Variants in NREP observed in about 807,000 individuals in gnomAD.
NREP encodes neuronal regeneration-related protein.
Under a neutral mutation model 8.6 loss-of-function variants are expected in NREP, and 5 were observed. The ratio of observed to expected loss-of-function variants is 0.58; its 90% CI spans 0.30 to 1.22. The LOEUF (loss-of-function observed/expected upper bound fraction) is 1.22. NREP is among the 50% of genes most tolerant of loss of function. The pLI, the probability that NREP is intolerant of heterozygous loss-of-function variation, is 0.07. For missense variants in NREP, 86 were observed against 82.5 expected, an observed-to-expected ratio of 1.04 and a Z score of -0.17; for synonymous variants, 27 against 28.0, an observed-to-expected ratio of 0.96 and a Z score of 0.11.
chr5:111,859,527 A>G (rs1390696266), intron 2 of NREP, among the ~76,000 whole-genome samples: 1 of 152,144 alleles, frequency 6.6e-6, no homozygotes, highest in Non-Finnish European at 1.5e-5. Context: ...CAAGGCTGGA[A>G]GCTTGTTAGA....
chr5:111,907,761 A>G (rs1408022837), intron 2 of NREP, among the ~76,000 whole-genome samples: 1 of 152,020 alleles, frequency 6.6e-6, no homozygotes, highest in Non-Finnish European at 1.5e-5. Flanking sequence ...TTTCACCTAG[A>G]AAACTCCTAC....
At chr5:111,798,927 C>G (rs1003638392) in intron 2 of NREP, among the ~76,000 whole-genome samples, 3 of 152,146 alleles carry the variant, frequency 2.0e-5, no homozygotes, top group African/African-American at 7.2e-5. Context: ...TTCTTTTCCT[C>G]TAGGTAGATA....
intron 2 of NREP, among the ~76,000 whole-genome samples, chr5:111,802,267 T>A (rs1752031126): frequency 6.6e-6 from 1 of 151,912 alleles, no homozygotes; most frequent in African/African-American, 2.4e-5. Flanking sequence ...AAGCACATAA[T>A]GAAGAAAAAT....
chr5:111,943,261 T>C lies in NREP; in HGVS notation c.135+32013A>G, dbSNP rs115797039. Among the ~76,000 whole-genome samples the C allele has an allele frequency of 4.7e-3, 715 of 152,160 alleles. 4 individuals carry two copies. Among genetic ancestry groups the C allele is most frequent in the African/African-American group, 0.016 (673 of 41,540 alleles). On this transcript the variant is annotated intron_variant, in intron 2 of 3. Coordinates refer to the NREP transcript ENST00000395634. Reference sequence around the variant, plus strand: ...CATCAGGTGCCGGTTATGCTGCCTATTGTGAAACACATTGAACTCCCTATA... The same window carrying C: ...CATCAGGTGCCGGTTATGCTGCCTACTGTGAAACACATTGAACTCCCTATA...
chr5:111,766,206 G>T (rs1007952305), intron 2 of NREP, among the ~76,000 whole-genome samples: 1 of 151,934 alleles, frequency 6.6e-6, no homozygotes, highest in African/African-American at 2.4e-5. Flanking sequence ...TTTAAACACT[G>T]TAAAGTTTTA....
chr5:111,824,921 T>C (rs1259930840), intron 2 of NREP, among the ~76,000 whole-genome samples: 2 of 152,230 alleles, frequency 1.3e-5, no homozygotes, highest in African/African-American at 4.8e-5. Context: ...TAAAGTGCTA[T>C]GAATAGTTCA....
At chr5:111,842,579 T>C (rs1360207043) in intron 2 of NREP, among the ~76,000 whole-genome samples, 2 of 152,186 alleles carry the variant, frequency 1.3e-5, no homozygotes, top group African/African-American at 4.8e-5. Flanking sequence ...TTTTTACCAT[T>C]TTTGCCTTTT....
chr5:111,824,300 C>A (rs567634190), intron 2 of NREP, among the ~76,000 whole-genome samples: 91 of 152,240 alleles, frequency 6.0e-4, no homozygotes, highest in African/African-American at 2.0e-3. Context: ...ACCAGGGAGG[C>A]GGAGCTTCCA....
chr5:111,848,223 G>C (rs115643681), intron 2 of NREP, among the ~76,000 whole-genome samples: 3,460 of 152,080 alleles, frequency 0.023, 49 homozygotes, highest in Non-Finnish European at 0.027. Context: ...AAATTTAAAA[G>C]TTAGTAAGTT....
intron 2 of NREP, among the ~76,000 whole-genome samples, chr5:111,852,067 A>G (rs1475143128): frequency 6.6e-6 from 1 of 152,062 alleles, no homozygotes; most frequent in African/African-American, 2.4e-5. Flanking sequence ...CTCCACCCTC[A>G]TGAGTGGAGT....
At chr5:111,737,924 A>G (rs1231385601) in intron 2 of NREP, among the ~76,000 whole-genome samples, 1 of 152,086 alleles carries the variant, frequency 6.6e-6, no homozygotes, top group African/African-American at 2.4e-5. Flanking sequence ...ATCATCAAGT[A>G]ATCATTGTAT....
chr5:111,962,996 C>T (rs1236305440), intron 2 of NREP, among the ~76,000 whole-genome samples: 1 of 152,232 alleles, frequency 6.6e-6, no homozygotes, highest in Admixed American at 6.5e-5. Context: ...GCTTGGGACC[C>T]AACATGTGTG....
At chr5:111,852,289 T>C (rs1431266317) in intron 2 of NREP, among the ~76,000 whole-genome samples, 1 of 149,930 alleles carries the variant, frequency 6.7e-6, no homozygotes, top group Non-Finnish European at 1.5e-5. Flanking sequence ...TATTTTTTTG[T>C]ATCTCTTGCT....
chr5:111,745,016 G>C (rs1407411038), intron 2 of NREP, among the ~76,000 whole-genome samples: 2 of 152,110 alleles, frequency 1.3e-5, no homozygotes, highest in Non-Finnish European at 2.9e-5. Flanking sequence ...CACAGAGACA[G>C]AGTATGTAAA....
intron 2 of NREP, among the ~76,000 whole-genome samples, chr5:111,782,767 C>T (rs899957442): frequency 1.3e-5 from 2 of 151,088 alleles, no homozygotes; most frequent in Admixed American, 6.6e-5. Context: ...GACAGTCTCG[C>T]TCTGTCATCC....
At chr5:111,800,776 C>G (rs1269449592) in intron 2 of NREP, among the ~76,000 whole-genome samples, 1 of 152,174 alleles carries the variant, frequency 6.6e-6, no homozygotes, top group Non-Finnish European at 1.5e-5. Context: ...ATGTTATTAG[C>G]CAATCTGCTC....
intron 2 of NREP, among the ~76,000 whole-genome samples, chr5:111,863,168 A>G (rs1362294908): frequency 6.6e-6 from 1 of 152,010 alleles, no homozygotes; most frequent in Admixed American, 6.6e-5. Context: ...GCACAGAATA[A>G]TGGTAGTAGA....
intron 2 of NREP, among the ~76,000 whole-genome samples, chr5:111,839,086 A>G (rs554491793): frequency 6.6e-6 from 1 of 152,260 alleles, no homozygotes; most frequent in South Asian, 2.1e-4. Flanking sequence ...ACATGAAATC[A>G]TAACCCTGTA....
intron 2 of NREP, among the ~76,000 whole-genome samples, chr5:111,829,637 A>G (rs1752714736): frequency 6.6e-6 from 1 of 152,116 alleles, no homozygotes; most frequent in Admixed American, 6.5e-5. Flanking sequence ...CTCACAATGG[A>G]TGCACTCAGA....
Sources: allele counts gnomAD v4.1 joint callset (sites outside exome capture counted in the v4.1 genomes callset), GRCh38; gene constraint gnomAD v4.1.1; transcripts MANE v1.5; gene names NCBI Gene and HGNC (gene_info 2026-07-23, HGNC 2026-07-21).